The following VAV2 variants were observed in gnomAD, a reference collection of about 807,000 sequenced individuals.
VAV2 encodes guanine nucleotide exchange factor VAV2.
In VAV2, 67 loss-of-function variants were observed where a neutral mutation model predicts 132.5. That is an observed-to-expected ratio of 0.51 (90% CI 0.42 to 0.62). The LOEUF (loss-of-function observed/expected upper bound fraction) is 0.62, where lower values mean the gene tolerates loss of function less well. Among genes scored for constraint, VAV2 ranks in the 20% least tolerant of loss-of-function variants. VAV2 has a pLI of 0.00. For synonymous variants in VAV2, 492 were observed against 443.5 expected (o/e 1.11, Z -1.37); for missense variants, 938 against 1,153.6 (o/e 0.81, Z 2.71).
intron 1 of VAV2, among the ~76,000 whole-genome samples, chr9:133,989,432 A>C (rs1842949174): frequency 6.6e-6 from 1 of 151,170 alleles, no homozygotes; most frequent in African/African-American, 2.4e-5. Flanking sequence ...AGGCAGGAGA[A>C]TTGCTTGAAC....
chr9:133,938,653 C>A (rs1841015554), intron 2 of VAV2, among the ~76,000 whole-genome samples: 1 of 152,132 alleles, frequency 6.6e-6, no homozygotes. Context: ...CCGAGATAAT[C>A]CATTTACAGA....
intron 2 of VAV2, among the ~76,000 whole-genome samples, chr9:133,880,041 G>C (rs12115818): frequency 6.6e-6 from 1 of 152,194 alleles, no homozygotes; most frequent in Non-Finnish European, 1.5e-5. Flanking sequence ...CACGGATAAG[G>C]ACAAGGCCAT....
chr9:133,901,137 A>G (rs1382951345), intron 2 of VAV2, among the ~76,000 whole-genome samples: 2 of 152,152 alleles, frequency 1.3e-5, no homozygotes, highest in African/African-American at 2.4e-5. Context: ...TAAGGGGGCC[A>G]AGGGCCTTAG....
At chr9:133,867,937 C>T (rs906133156) in intron 2 of VAV2, among the ~76,000 whole-genome samples, 6 of 152,228 alleles carry the variant, frequency 3.9e-5, no homozygotes, top group Admixed American at 2.0e-4. Flanking sequence ...CCTCCCACAC[C>T]GCCTACAGGA....
chr9:133,868,046 G>A (rs1176727194), intron 2 of VAV2, among the ~76,000 whole-genome samples: 1 of 152,272 alleles, frequency 6.6e-6, no homozygotes, highest in Non-Finnish European at 1.5e-5. Context: ...GAGACTTGGA[G>A]TGAGAGAGCC....
rs1835997132 is a variant in VAV2 at position 133,826,608 on chromosome 9, C to T, written c.449+7664G>A. Among the ~76,000 whole-genome samples the T allele has an allele frequency of 6.6e-6, 1 of 152,210 alleles. No homozygotes were observed. The highest frequency in any genetic ancestry group is 1.5e-5 in the Non-Finnish European group (1 of 68,026). On this transcript the variant is annotated intron_variant, in intron 4 of 29. Coordinates refer to ENST00000371850, the MANE Select transcript of VAV2 (RefSeq NM_001134398.2). The surrounding 1 kb of genome is among the most constrained non-coding windows in gnomAD (Gnocchi z 4.2). Reference sequence around the variant, plus strand: ...GCTGGCTGTCAGACATCTAGCAGCACACTCTGGGAAGAGGCTCCAGGTCCA... The same window carrying T: ...GCTGGCTGTCAGACATCTAGCAGCATACTCTGGGAAGAGGCTCCAGGTCCA...
At chr9:133,791,272 C>T (rs7032952) in intron 13 of VAV2, among the ~76,000 whole-genome samples, 75,025 of 151,806 alleles carry the variant, frequency 0.49, 18,713 homozygotes, top group South Asian at 0.56. Flanking sequence ...CTCTGGGGAG[C>T]CCCAGGAGGT....
In VAV2 at chr9:133,961,134, C is replaced by G. The variant is rs1010066867; in HGVS notation, c.205-21915G>C. Among the ~76,000 whole-genome samples, 1 of 152,228 alleles carries G rather than the reference C, an allele frequency of 6.6e-6. No homozygotes were observed. The highest frequency in any genetic ancestry group is 1.5e-5 in the Non-Finnish European group (1 of 68,042). On this transcript the variant is annotated intron_variant, in intron 1 of 29. Coordinates refer to ENST00000371850, the MANE Select transcript of VAV2 (RefSeq NM_001134398.2). The surrounding 1 kb of genome is among the most constrained non-coding windows in gnomAD (Gnocchi z 4.1). ...GAGCTGCTGAGCGCTTTTAGTTAGC[C>G]CAACACGGACCAAGGCCACCTCGGC...
rs113978824 is a variant in VAV2, at chr9:133,778,454, A to C, written c.1890+308T>G. On this transcript the variant is annotated intron_variant, in intron 22 of 29. Coordinates refer to ENST00000371850, the MANE Select transcript of VAV2 (RefSeq NM_001134398.2). ...ACAACAGAGGCAGGAAGGACAGAGGACAATGGAGAAAGGCCTTGGGTGCCA... is the reference window on the plus strand; with the variant it reads ...ACAACAGAGGCAGGAAGGACAGAGGCCAATGGAGAAAGGCCTTGGGTGCCA... 4.8e-3 allele frequency among the ~76,000 whole-genome samples: 730 copies of C among 152,262 alleles called. 5 individuals are homozygous for C. The highest frequency in any genetic ancestry group is 0.017 in the African/African-American group (691 of 41,546).
intron 1 of VAV2, among the ~76,000 whole-genome samples, chr9:133,960,282 T>C (rs998729888): frequency 1.3e-5 from 2 of 151,960 alleles, no homozygotes; most frequent in Non-Finnish European, 2.9e-5. Flanking sequence ...GGCCAGAAAG[T>C]TCTTATCTGT....
rs946522468 is a variant in VAV2, at chr9:133,883,804, C to G, written c.322-22372G>C. ...AGGCTCAAGTACACCCCAAAACTCACACTTGAGGTCCACAGGTGACTAGCA... is the reference window on the plus strand; with the variant it reads ...AGGCTCAAGTACACCCCAAAACTCAGACTTGAGGTCCACAGGTGACTAGCA... On this transcript the variant is annotated intron_variant, in intron 2 of 29. Coordinates refer to ENST00000371850, the MANE Select transcript of VAV2 (RefSeq NM_001134398.2). This position sits in a 1 kb window ranked among gnomAD's most constrained non-coding sequence, Gnocchi z 4.2. 6.6e-6 allele frequency among the ~76,000 whole-genome samples: 1 copy of G among 152,206 alleles called. No homozygotes were observed. Among genetic ancestry groups the G allele is most frequent in the African/African-American group, 2.4e-5 (1 of 41,450 alleles).
intron 3 of VAV2, among the ~76,000 whole-genome samples, chr9:133,836,375 G>A (rs372190347): frequency 2.0e-5 from 3 of 152,150 alleles, no homozygotes; most frequent in East Asian, 1.9e-4. Context: ...CCAGCCCCTC[G>A]CTTACATGCA....
intron 13 of VAV2, among the ~76,000 whole-genome samples, chr9:133,789,977 C>T (rs192128854): frequency 1.3e-5 from 2 of 152,358 alleles, no homozygotes; most frequent in Admixed American, 1.3e-4. Flanking sequence ...GCTCGAGGCA[C>T]AGGCTCAGTG....
intron 2 of VAV2, among the ~76,000 whole-genome samples, chr9:133,894,465 C>T (rs2519778): frequency 0.73 from 111,298 of 152,086 alleles, 43,060 homozygotes; most frequent in Middle Eastern, 0.9. Context: ...TGGAAACCGC[C>T]TTTACGCCCT....
intron 10 of VAV2, 86 bp downstream of exon 10, chr9:133,797,624 A>AAG: frequency 8.4e-7 from 1 of 1,192,678 alleles, no homozygotes; most frequent in Non-Finnish European, 1.2e-6. Flanking sequence ...ACAAATGGGC[A>AAG]AGAGAGAGGC....
intron 4 of VAV2, among the ~76,000 whole-genome samples, chr9:133,820,647 AG>A (rs1335840848): frequency 1.3e-5 from 2 of 152,142 alleles, no homozygotes; most frequent in African/African-American, 2.4e-5. Flanking sequence ...TTTCTTGCAC[AG>A]GGAGGTGACA....
At chr9:133,985,818 C>A (rs2132306429) in intron 1 of VAV2, among the ~76,000 whole-genome samples, 1 of 152,274 alleles carries the variant, frequency 6.6e-6, no homozygotes, top group Non-Finnish European at 1.5e-5. Context: ...ACACAGTTCC[C>A]ACTGGTCAAA....
Position 133,820,741 on chromosome 9 carries a change from C to T in VAV2, c.450-8525G>A, listed in dbSNP as rs7032121. On this transcript the variant is annotated intron_variant, in intron 4 of 29. Transcript: ENST00000371850. ...CAGTGTACCTGAGGGCCACAGCTGT[C>T]CACTGGGAGGAAGAGGGAACCCTCA... Among the ~76,000 whole-genome samples the T allele has an allele frequency of 3.9e-3, 589 of 152,280 alleles. 3 individuals carry two copies. Among genetic ancestry groups the T allele is most frequent in the African/African-American group, 0.014 (574 of 41,550 alleles).
At chr9:133,966,408 A>T (rs1339140872) in intron 1 of VAV2, among the ~76,000 whole-genome samples, 2 of 152,264 alleles carry the variant, frequency 1.3e-5, no homozygotes, top group Non-Finnish European at 2.9e-5. Flanking sequence ...TAATAACCAG[A>T]ATACATAAAG....
Sources: gnomAD v4.1 joint callset for allele counts (sites outside exome capture counted in the v4.1 genomes callset) on GRCh38, gnomAD v4.1.1 for gene constraint, Gnocchi (gnomAD v3.1) non-coding constraint, MANE v1.5 for transcripts, NCBI Gene and HGNC (gene_info 2026-07-23, HGNC 2026-07-21) for gene names.